Variants in AKAP9 observed in about 807,000 individuals in gnomAD.
AKAP9 encodes the protein A-kinase anchoring protein 9, also known as A-kinase anchor protein 9.
Under a neutral mutation model 488.5 loss-of-function variants are expected in AKAP9, and 311 were observed. The observed-to-expected ratio is 0.64, with a 90% confidence interval of 0.58 to 0.70. The LOEUF (loss-of-function observed/expected upper bound fraction) is 0.70. Among genes scored for constraint, AKAP9 ranks in the 30% least tolerant of loss-of-function variants. AKAP9 has a pLI of 0.00. For missense variants in AKAP9, 4,215 were observed against 4,374.5 expected (o/e 0.96, Z 1.03); for synonymous variants, 1,462 against 1,483.5 (o/e 0.99, Z 0.33).
chr7:91,953,059 T>C (rs1792461779), intron 1 of AKAP9, among the ~76,000 whole-genome samples: 1 of 152,174 alleles, frequency 6.6e-6, no homozygotes, highest in Admixed American at 6.5e-5. Context: ...GACAGCTGTG[T>C]GGAGGATAGG....
chr7:91,947,979 A>G (rs1329014200), intron 1 of AKAP9, among the ~76,000 whole-genome samples: 2 of 152,206 alleles, frequency 1.3e-5, no homozygotes, highest in African/African-American at 4.8e-5. Context: ...TCTAGCCACT[A>G]ACAATCACCA....
intron 44 of AKAP9, among the ~76,000 whole-genome samples, chr7:92,100,284 T>C (rs1817301419): frequency 6.6e-6 from 1 of 152,256 alleles, no homozygotes; most frequent in South Asian, 2.1e-4. Flanking sequence ...TGTTGATGAC[T>C]CAATTAAAAG....
rs553950959 is a variant in AKAP9 at position 92,102,481 on chromosome 7, C to G, written c.11098-113C>G. The stretch of plus-strand genomic sequence containing the variant: ...ACTACTACTACTACTACTACTACTA[C>G]TACTACTACCACCACCACCACCACT... On this transcript the variant is annotated intron_variant, in intron 45 of 49. Coordinates refer to ENST00000356239, the MANE Select transcript of AKAP9 (RefSeq NM_005751.5). The G allele has an allele frequency of 3.4e-4, 252 of 736,966 alleles. 1 individual carries two copies. In the African/African-American group the frequency reaches 3.8e-3, roughly 11 times the overall value. The allele number at this position is 736,966 out of a possible 1,614,324, so 45.7% of individuals were successfully genotyped here.
At chr7:92,066,347 C>A (rs2130832510) in intron 25 of AKAP9, 80 bp from the exon 26 acceptor site, 1 of 1,542,914 alleles carries the variant, frequency 6.5e-7, no homozygotes, top group Non-Finnish European at 8.9e-7. Flanking sequence ...ACTAACATAT[C>A]TCTAAAGGAG....
At chr7:92,037,347 A>C (rs2282973) in intron 16 of AKAP9, among the ~76,000 whole-genome samples, 18,207 of 152,224 alleles carry the variant, frequency 0.12, 1,243 homozygotes, top group East Asian at 0.37. Flanking sequence ...TCAGGACCCC[A>C]GATAGGTGAA....
intron 19 of AKAP9, 86 bp downstream of exon 19, chr7:92,042,272 T>A (rs1806252423): frequency 6.4e-7 from 1 of 1,556,012 alleles, no homozygotes. Context: ...TGAGATGTAT[T>A]CTTTTATAGG....
chr7:92,038,467 A>G lies in AKAP9; in HGVS notation c.4387A>G (p.Arg1463Gly). 1.2e-6 allele frequency: 2 copies of G among 1,613,958 alleles called. No homozygotes were observed. The highest frequency in any genetic ancestry group is 1.7e-6 in the Non-Finnish European group (2 of 1,179,904). ...IAFAQQTELS[R>G]ISGGKENTAS... ...ATTTGCTCAACAAACTGAACTGTCT[A>G]GAATATCTGGGGGAAAAGAAAATAC... The change falls in exon 17 of 50, where the codon AGA (arginine) becomes GGA (glycine). Residue 1463 changes from arginine to glycine, a missense_variant. Physicochemically the swap from Arg to Gly is moderately radical, Grantham distance 125. Transcript: ENST00000356239.
At chr7:91,982,939 G>A (rs1796615121) in intron 3 of AKAP9, among the ~76,000 whole-genome samples, 1 of 152,104 alleles carries the variant, frequency 6.6e-6, no homozygotes, top group African/African-American at 2.4e-5. Flanking sequence ...CTGATGACCA[G>A]TGTTGATCAT....
In AKAP9 at chr7:92,070,107, A is replaced by T; in HGVS notation, c.6408A>T (p.Gln2136His). The T allele has an allele frequency of 6.2e-7, 1 of 1,614,108 alleles. No individual in the cohort carries two copies. Among genetic ancestry groups the T allele is most frequent in the South Asian group, 1.1e-5 (1 of 91,084 alleles). ...TTTTGCTCTCTAAAGAGCAGCTTCA[A>T]AGGGATATACAAGAAAGGAATGAAG... is the stretch of plus-strand genomic sequence containing the variant. ...SELLLSKEQL[Q>H]RDIQERNEEI... is the part of the protein sequence containing the mutation. Residue 2136 changes from glutamine (Q) to histidine (H), a missense_variant, in exon 27 of 50, where the codon CAA becomes CAT. By Grantham distance (24) the Gln-to-His change is conservative. This residue lies in a region of AKAP9 where 2,361 missense variants were observed against 2,430.0 expected (regional missense o/e 0.97). Transcript: ENST00000356239.
At chr7:92,066,400 A>C in intron 25 of AKAP9, 27 bp from the exon 26 acceptor site, 3 of 1,611,326 alleles carry the variant, frequency 1.9e-6, no homozygotes, top group Non-Finnish European at 2.5e-6. Flanking sequence ...TTCTTCAGCT[A>C]CTATCATTAT....
Position 92,062,442 on chromosome 7 carries a change from G to T in AKAP9, c.5933G>T (p.Arg1978Ile), listed in dbSNP as rs1274983523. The T allele has an allele frequency of 5.0e-6, 8 of 1,613,618 alleles. No individual in the cohort carries two copies. The highest frequency in any genetic ancestry group is 1.6e-4 in the Middle Eastern group (1 of 6,080). The change falls in exon 24 of 50, where the codon AGA becomes ATA. Residue 1978 changes from arginine to isoleucine, a missense_variant. By Grantham distance (97) the Arg-to-Ile change is moderately conservative. Coordinates refer to ENST00000356239, the MANE Select transcript of AKAP9 (RefSeq NM_005751.5). ...QIQEERELLS[R>I]QKEAMKAEAG... ...CAAGAAGAAAGAGAATTACTGTCCA[G>T]ACAAAAGGAAGCTATGAAAGCAGAG...
intron 31 of AKAP9, among the ~76,000 whole-genome samples, chr7:92,082,132 G>A (rs763271699): frequency 3.3e-5 from 5 of 151,856 alleles, no homozygotes; most frequent in Non-Finnish European, 7.4e-5. Context: ...ACAGGGTTTC[G>A]CCACGTTGCC....
chr7:92,080,829 T>C (rs576926866), intron 31 of AKAP9, among the ~76,000 whole-genome samples: 7 of 152,292 alleles, frequency 4.6e-5, no homozygotes, highest in East Asian at 1.9e-4. Context: ...GTCTGCTCAG[T>C]TGACTGCTTG....
chr7:92,061,486 A>C, intron 23 of AKAP9, 64 bp downstream of exon 23: 1 of 1,577,434 alleles, frequency 6.3e-7, no homozygotes, highest in Non-Finnish European at 8.7e-7. Flanking sequence ...GAGATTTTTG[A>C]TGCACAGCCA....
intron 43 of AKAP9, among the ~76,000 whole-genome samples, chr7:92,098,656 C>T (rs900174315): frequency 6.6e-6 from 1 of 152,160 alleles, no homozygotes; most frequent in African/African-American, 2.4e-5. Flanking sequence ...TGTCAGTATT[C>T]TAGCATTTCT....
At chr7:92,055,427 G>T (rs1215571950) in intron 22 of AKAP9, among the ~76,000 whole-genome samples, 1 of 152,000 alleles carries the variant, frequency 6.6e-6, no homozygotes, top group Non-Finnish European at 1.5e-5. Flanking sequence ...ATAACTTCAA[G>T]AAATAGATGA....
In AKAP9 at chr7:92,031,569, CAA is replaced by C; in HGVS notation, c.4304_4305del (p.Gln1435LeufsTer11). 1 of 1,612,210 alleles carries C rather than the reference CAA, an allele frequency of 6.2e-7. No individual in the cohort carries two copies. The highest frequency in any genetic ancestry group is 8.5e-7 in the Non-Finnish European group (1 of 1,178,726). On this transcript the variant is annotated frameshift_variant, in exon 16 of 50. Coordinates refer to ENST00000356239, the MANE Select transcript of AKAP9 (RefSeq NM_005751.5). LOFTEE classifies it high-confidence loss of function. Reference sequence around the variant, plus strand: ...AAATATCGTTAAGTTGCTTGAAAAACAATACCAAGAACAATTAGAAGAAGAAG... The same window carrying C: ...AAATATCGTTAAGTTGCTTGAAAAACTACCAAGAACAATTAGAAGAAGAAG... ...ETNIVKLLEK[Q>X]YQEQLEEEVA...
intron 1 of AKAP9, among the ~76,000 whole-genome samples, chr7:91,970,020 AT>A (rs368700638): frequency 2.0e-5 from 3 of 150,496 alleles, no homozygotes; most frequent in East Asian, 1.9e-4. Flanking sequence ...AAGTTAAGTG[AT>A]TTTTTTTTCT....
intron 1 of AKAP9, among the ~76,000 whole-genome samples, chr7:91,948,431 T>A (rs767595026): frequency 2.6e-5 from 4 of 152,158 alleles, no homozygotes; most frequent in Admixed American, 6.5e-5. Flanking sequence ...CATAACCTCA[T>A]TAACAGTTGT....
Sources: gnomAD v4.1 joint callset for allele counts (sites outside exome capture counted in the v4.1 genomes callset) on GRCh38, gnomAD v4.1.1 for gene constraint, gnomAD v4.1.1 regional missense constraint, MANE v1.5 for transcripts, NCBI Gene and HGNC (gene_info 2026-07-23, HGNC 2026-07-21) for gene names.